The following C12orf42 variants were observed in gnomAD, a reference collection of about 807,000 sequenced individuals.
C12orf42 encodes uncharacterized protein C12orf42.
C12orf42 carries 25 observed loss-of-function variants against 21.6 expected under a neutral mutation model. That is an observed-to-expected ratio of 1.16 (90% CI 0.84 to 1.62). The LOEUF (loss-of-function observed/expected upper bound fraction) is 1.62. Ranked by LOEUF, C12orf42 falls within the 40% of genes most tolerant of loss-of-function variation. C12orf42 has a pLI of 0.00. For synonymous variants in C12orf42, 174 were observed against 175.0 expected (o/e 0.99, Z 0.05); for missense variants, 483 against 459.3 (o/e 1.05, Z -0.47).
the C12orf42 span, among the ~76,000 whole-genome samples, chr12:103,534,297 G>A: frequency 3.3e-5 from 5 of 152,114 alleles, no homozygotes; most frequent in African/African-American, 1.2e-4. Context: ...TACATGCTCT[G>A]GAAGAGAAGA....
chr12:103,293,880 G>A (rs993474924), intron 4 of C12orf42, among the ~76,000 whole-genome samples: 2 of 152,126 alleles, frequency 1.3e-5, no homozygotes, highest in African/African-American at 2.4e-5. Flanking sequence ...TGGGTCTCAC[G>A]ACTGTGGCTA....
the C12orf42 span, among the ~76,000 whole-genome samples, chr12:103,218,062 C>A: frequency 6.6e-6 from 1 of 152,140 alleles, no homozygotes; most frequent in East Asian, 1.9e-4. Flanking sequence ...GAGTGGATTA[C>A]CTGAGGTCAG....
chr12:103,307,181 C>T (rs961410466), intron 4 of C12orf42, among the ~76,000 whole-genome samples: 2 of 152,126 alleles, frequency 1.3e-5, no homozygotes, highest in Admixed American at 6.5e-5. Context: ...AGGCTTAGAG[C>T]AAGTAGCTTG....
At chr12:103,408,056 C>T (rs1203588594) in intron 2 of C12orf42, among the ~76,000 whole-genome samples, 4 of 152,150 alleles carry the variant, frequency 2.6e-5, no homozygotes, top group African/African-American at 7.2e-5. Flanking sequence ...AGGACTTAGT[C>T]TAGCCATTAA....
intron 1 of C12orf42, among the ~76,000 whole-genome samples, chr12:103,489,134 G>A (rs1441225003): frequency 1.3e-5 from 2 of 152,222 alleles, no homozygotes; most frequent in African/African-American, 4.8e-5. Flanking sequence ...GGCTTTTGGT[G>A]TAGATGTCCT....
chr12:103,109,454 G>A, the C12orf42 span, among the ~76,000 whole-genome samples: 1 of 151,928 alleles, frequency 6.6e-6, no homozygotes, highest in Non-Finnish European at 1.5e-5. Context: ...GTGGTGTACG[G>A]GAGAAACACT....
At chr12:103,397,180 T>G (rs1374209826) in intron 3 of C12orf42, among the ~76,000 whole-genome samples, 1 of 152,254 alleles carries the variant, frequency 6.6e-6, no homozygotes, top group African/African-American at 2.4e-5. Context: ...ATGGTCTGTA[T>G]AGCTTCAATT....
At chr12:103,543,092 G>A in the C12orf42 span, among the ~76,000 whole-genome samples, 1 of 152,284 alleles carries the variant, frequency 6.6e-6, no homozygotes, top group Admixed American at 6.5e-5. Context: ...ACCAGGCTGT[G>A]GTTGAGATGA....
chr12:103,293,952 G>T (rs145237341), intron 4 of C12orf42, among the ~76,000 whole-genome samples: 1 of 152,090 alleles, frequency 6.6e-6, no homozygotes, highest in Non-Finnish European at 1.5e-5. Context: ...CACTATCTAG[G>T]TCTCACTGAA....
chr12:103,395,911 C>G (rs2047489420), intron 3 of C12orf42, among the ~76,000 whole-genome samples: 1 of 148,206 alleles, frequency 6.7e-6, no homozygotes, highest in Non-Finnish European at 1.5e-5. Flanking sequence ...ATATATACTA[C>G]AAATGCATTA....
upstream of C12orf42, among the ~76,000 whole-genome samples, chr12:103,497,894 G>A (rs138367692): frequency 6.6e-6 from 1 of 152,136 alleles, no homozygotes. Context: ...AATTAGCCGG[G>A]TGTGGTGGCA....
At chr12:103,526,414 G>T in the C12orf42 span, among the ~76,000 whole-genome samples, 1 of 152,274 alleles carries the variant, frequency 6.6e-6, no homozygotes, top group Middle Eastern at 3.4e-3. Flanking sequence ...AGAGTGAAAA[G>T]AACAAAATGT....
intron 4 of C12orf42, among the ~76,000 whole-genome samples, chr12:103,330,491 A>G (rs1051688665): frequency 2.0e-5 from 3 of 152,210 alleles, no homozygotes; most frequent in African/African-American, 7.2e-5. Context: ...ACCATTAGCT[A>G]TAACCTGAAG....
At chr12:103,288,594 T>C (rs989991815) in intron 4 of C12orf42, among the ~76,000 whole-genome samples, 4 of 152,208 alleles carry the variant, frequency 2.6e-5, no homozygotes, top group Admixed American at 2.0e-4. Context: ...TTATATTCCA[T>C]CATTTTCCAC....
chr12:103,265,926 GTTC>G (rs150786427), downstream of C12orf42, among the ~76,000 whole-genome samples: 10,935 of 152,028 alleles, frequency 0.072, 1,036 homozygotes, highest in African/African-American at 0.22. Context: ...CACCTTTGAT[GTTC>G]TTCTTAAATG....
the C12orf42 span, among the ~76,000 whole-genome samples, chr12:103,230,643 G>A: frequency 6.6e-6 from 1 of 152,176 alleles, no homozygotes; most frequent in Non-Finnish European, 1.5e-5. Context: ...TACCACTGGA[G>A]AACAATGGCC....
At chr12:103,306,859 G>A (rs1030731685) in intron 4 of C12orf42, among the ~76,000 whole-genome samples, 2 of 151,932 alleles carry the variant, frequency 1.3e-5, no homozygotes, top group Admixed American at 1.3e-4. Context: ...AATAAGACTG[G>A]AGTCCTTATA....
intron 4 of C12orf42, among the ~76,000 whole-genome samples, chr12:103,326,882 C>T (rs528603950): frequency 6.6e-6 from 1 of 152,300 alleles, no homozygotes; most frequent in East Asian, 1.9e-4. Context: ...GGCTACTGCA[C>T]TAGAATGTAC....
chr12:103,529,889 C>A, the C12orf42 span, among the ~76,000 whole-genome samples: 3 of 152,134 alleles, frequency 2.0e-5, no homozygotes, highest in Non-Finnish European at 4.4e-5. Context: ...GCCTTTCCTC[C>A]CCCATACTTC....
Sources: gnomAD v4.1 joint callset for allele counts (sites outside exome capture counted in the v4.1 genomes callset) on GRCh38, gnomAD v4.1.1 for gene constraint, MANE v1.5 for transcripts, NCBI Gene and HGNC (gene_info 2026-07-23, HGNC 2026-07-21) for gene names.